Variants in CSMD1 observed in about 807,000 individuals in gnomAD.
The protein encoded by CSMD1 is CUB and Sushi multiple domains 1.
Under a neutral mutation model 417.5 loss-of-function variants are expected in CSMD1, and 213 were observed. The ratio of observed to expected loss-of-function variants is 0.51; its 90% CI spans 0.46 to 0.57. CSMD1 has a LOEUF of 0.57. CSMD1 is among the 20% of genes least tolerant of loss of function. CSMD1 has a pLI of 0.00. For synonymous variants in CSMD1, 2,862 were observed against 1,736.8 expected, an observed-to-expected ratio of 1.65 and a Z score of -16.11; for missense variants, 6,923 against 4,529.7, an observed-to-expected ratio of 1.53 and a Z score of -15.17.
chr8:3,994,754 C>T (rs374948707), intron 5 of CSMD1, among the ~76,000 whole-genome samples: 4 of 152,218 alleles, frequency 2.6e-5, no homozygotes, highest in Non-Finnish European at 5.9e-5. Context: ...GCCTCCACTG[C>T]TGCCATGGCA....
intron 5 of CSMD1, among the ~76,000 whole-genome samples, chr8:3,829,521 A>G (rs918665183): frequency 1.3e-5 from 2 of 152,190 alleles, no homozygotes; most frequent in Non-Finnish European, 2.9e-5. Context: ...GTCCTGCACC[A>G]GAACATGATT....
chr8:3,765,259 G>C (rs1323625898), intron 5 of CSMD1, among the ~76,000 whole-genome samples: 1 of 152,134 alleles, frequency 6.6e-6, no homozygotes, highest in Non-Finnish European at 1.5e-5. Context: ...CCTTGATCCT[G>C]TGCAGTCAAT....
chr8:4,960,079 TA>T (rs1189674065), intron 1 of CSMD1, among the ~76,000 whole-genome samples: 1 of 152,148 alleles, frequency 6.6e-6, no homozygotes, highest in Non-Finnish European at 1.5e-5. Flanking sequence ...ATTGGGACTC[TA>T]AAAAAATTGC....
intron 3 of CSMD1, among the ~76,000 whole-genome samples, chr8:4,242,722 G>A (rs1223838719): frequency 6.7e-6 from 1 of 148,924 alleles, no homozygotes; most frequent in Non-Finnish European, 1.5e-5. Flanking sequence ...ACTCTGCCCA[G>A]TTGAGTGGCT....
chr8:4,489,487 A>G (rs1016006614), intron 2 of CSMD1, among the ~76,000 whole-genome samples: 2 of 152,196 alleles, frequency 1.3e-5, no homozygotes, highest in Non-Finnish European at 2.9e-5. Context: ...CATATGCCCC[A>G]CCAGAAACGA....
At chr8:4,792,983 AAT>A (rs34947549) in intron 1 of CSMD1, among the ~76,000 whole-genome samples, 47,251 of 148,230 alleles carry the variant, frequency 0.32, 7,441 homozygotes, top group African/African-American at 0.36. Flanking sequence ...ATGTGTATGC[AAT>A]ATATATATAT....
At position 3,214,381 on chromosome 8, in the gene CSMD1, C is replaced by G. The variant is rs758128558; in HGVS notation, c.4867+116G>C. 3 of 852,976 alleles carry G rather than the reference C, an allele frequency of 3.5e-6. No individual in the cohort carries two copies. In the African/African-American group the frequency reaches 5.2e-5, roughly 15 times the overall value. 52.8% of individuals were successfully genotyped at this position (852,976 alleles called of 1,614,324 possible). A position where few individuals can be genotyped will look rare whatever the true frequency, so the allele number is the denominator to read the frequency against. On this transcript the variant is annotated intron_variant, in intron 30 of 69. Coordinates refer to ENST00000635120, the MANE Select transcript of CSMD1 (RefSeq NM_033225.6). ...ATTCGTTCCACACTAGCTCTCTAAG[C>G]AATCCTCACCACCGATGAGAGGAAT...
chr8:4,547,475 G>C (rs1356985085), intron 2 of CSMD1, among the ~76,000 whole-genome samples: 1 of 152,148 alleles, frequency 6.6e-6, no homozygotes, highest in Non-Finnish European at 1.5e-5. Flanking sequence ...ATTATATGCA[G>C]CAGCCCACAT....
intron 5 of CSMD1, among the ~76,000 whole-genome samples, chr8:3,900,258 GGTGACAGCACAGCTGC>G (rs1807645594): frequency 6.6e-6 from 1 of 151,364 alleles, no homozygotes; most frequent in Non-Finnish European, 1.5e-5. Flanking sequence ...AGGGCAGCTG[GGTGACAGCACAGCTGC>G]GTGACAGTGC....
chr8:3,527,861 A>G (rs900349257), intron 10 of CSMD1, among the ~76,000 whole-genome samples: 1 of 152,220 alleles, frequency 6.6e-6, no homozygotes, highest in African/African-American at 2.4e-5. Flanking sequence ...AGATACATTT[A>G]GAAACAGGTT....
chr8:4,937,312 C>G (rs10095634), intron 1 of CSMD1, among the ~76,000 whole-genome samples: 37,081 of 151,920 alleles, frequency 0.24, 4,604 homozygotes, highest in East Asian at 0.38. Flanking sequence ...ATGGACTCTA[C>G]AAGTTACTTT....
rs149674530 is a variant in CSMD1 at position 3,677,225 on chromosome 8, C to A, written c.1009+31189G>T. 4.0e-3 allele frequency among the ~76,000 whole-genome samples: 610 copies of A among 152,116 alleles called. 3 individuals are homozygous for A. Among genetic ancestry groups the A allele is most frequent in the Non-Finnish European group, 5.8e-3 (394 of 67,998 alleles). ...ATAGAAATACACACAAGGAAAACAC[C>A]GCTTAAAAGTCCAAGATTAATAGCA... On this transcript the variant is annotated intron_variant, in intron 7 of 69. Transcript: ENST00000635120.
intron 12 of CSMD1, among the ~76,000 whole-genome samples, chr8:3,463,255 C>A (rs1485242455): frequency 1.3e-5 from 2 of 152,198 alleles, no homozygotes; most frequent in African/African-American, 2.4e-5. Context: ...TCCAAGCACA[C>A]TCCCAATACC....
chr8:3,647,586 C>T (rs1797642469), intron 7 of CSMD1, among the ~76,000 whole-genome samples: 1 of 152,078 alleles, frequency 6.6e-6, no homozygotes, highest in Admixed American at 6.5e-5. Flanking sequence ...AAGAAAAACA[C>T]AGCATGTTGG....
intron 5 of CSMD1, among the ~76,000 whole-genome samples, chr8:3,876,649 G>A (rs545307670): frequency 5.9e-5 from 9 of 152,114 alleles, no homozygotes; most frequent in Admixed American, 2.0e-4. Flanking sequence ...TTGCTCTGTT[G>A]CCTGGGGTGA....
chr8:4,816,736 A>C (rs937109039), intron 1 of CSMD1, among the ~76,000 whole-genome samples: 1 of 152,154 alleles, frequency 6.6e-6, no homozygotes, highest in Non-Finnish European at 1.5e-5. Flanking sequence ...TCAATCAACT[A>C]GGAGGCTGTT....
At chr8:3,776,138 T>A (rs976825687) in intron 5 of CSMD1, among the ~76,000 whole-genome samples, 1 of 152,098 alleles carries the variant, frequency 6.6e-6, no homozygotes, top group African/African-American at 2.4e-5. Flanking sequence ...CTGCACACAC[T>A]CTGCTCATCT....
intron 7 of CSMD1, among the ~76,000 whole-genome samples, chr8:3,653,151 A>T (rs539701388): frequency 4.6e-5 from 7 of 152,008 alleles, no homozygotes; most frequent in Non-Finnish European, 8.8e-5. Flanking sequence ...AAATTTTTTC[A>T]AGTTGCATAT....
intron 5 of CSMD1, among the ~76,000 whole-genome samples, chr8:3,829,027 T>TA (rs752944231): frequency 6.6e-6 from 1 of 151,124 alleles, no homozygotes; most frequent in African/African-American, 2.4e-5. Flanking sequence ...TCTTTTTTTT[T>TA]AAAAAAATGT....
Sources: allele counts gnomAD v4.1 joint callset (sites outside exome capture counted in the v4.1 genomes callset), GRCh38; gene constraint gnomAD v4.1.1; transcripts MANE v1.5; gene names NCBI Gene and HGNC (gene_info 2026-07-23, HGNC 2026-07-21).